The following GALNT9 variants were observed in gnomAD, a reference collection of about 807,000 sequenced individuals.
The protein encoded by GALNT9 is GalNAc transferase 9.
A neutral mutation model predicts 63.1 loss-of-function variants in GALNT9; 47 were observed. The observed-to-expected ratio is 0.75, with a 90% confidence interval of 0.59 to 0.95. GALNT9 has a LOEUF of 0.95. GALNT9 is among the 40% of genes least tolerant of loss of function. GALNT9 has a pLI of 0.00. For synonymous variants in GALNT9, 396 were observed against 365.7 expected (o/e 1.08, Z -0.94); for missense variants, 829 against 874.8 (o/e 0.95, Z 0.66).
rs1307637571 is a variant in GALNT9 at position 132,315,524 on chromosome 12, C to T, written c.238+13442G>A. Among the ~76,000 whole-genome samples, 3 of 152,170 alleles carry T rather than the reference C, an allele frequency of 2.0e-5. No homozygotes were observed. Among genetic ancestry groups the T allele is most frequent in the African/African-American group, 2.4e-5 (1 of 41,434 alleles). On this transcript the variant is annotated intron_variant, in intron 1 of 10. Coordinates refer to ENST00000328957, the MANE Select transcript of GALNT9 (RefSeq NM_001122636.2). The surrounding 1 kb of genome is among the most constrained non-coding windows in gnomAD (Gnocchi z 6.1). ...AATCAGGGCTTGCTGGGTTTCACGCCGGAGCTGCACGCAGAGCTGATGCGA... is the reference window on the plus strand; with the variant it reads ...AATCAGGGCTTGCTGGGTTTCACGCTGGAGCTGCACGCAGAGCTGATGCGA...
intron 2 of GALNT9, among the ~76,000 whole-genome samples, chr12:132,267,160 G>C (rs1217171298): frequency 2.0e-5 from 3 of 152,070 alleles, no homozygotes; most frequent in African/African-American, 4.8e-5. Context: ...TGAGCCCAGA[G>C]CTTGAGCAGC....
In GALNT9 at chr12:132,228,138, G is replaced by C. The variant is rs935549006; in HGVS notation, c.1077+19772C>G. Among the ~76,000 whole-genome samples the C allele has an allele frequency of 4.6e-5, 7 of 152,078 alleles. 2 individuals are homozygous for C. In the South Asian group the frequency reaches 8.3e-4, roughly 18 times the overall value. ...CCACCTGTGGCTGGAACAAGCCCTT[G>C]GACAAAGCAGCTCTAGAGAACAAGA... On this transcript the variant is annotated intron_variant, in intron 6 of 10. Transcript: ENST00000328957.
chr12:132,197,342 C>A, intron 10 of GALNT9, 89 bp from the exon 11 acceptor site: 1 of 1,543,132 alleles, frequency 6.5e-7, no homozygotes, highest in African/African-American at 1.4e-5. Flanking sequence ...GTGCTCTCAG[C>A]CCTCGTGCTC....
chr12:132,268,275 G>A (rs954863478), intron 2 of GALNT9, among the ~76,000 whole-genome samples: 2 of 151,074 alleles, frequency 1.3e-5, no homozygotes, highest in Non-Finnish European at 3.0e-5. Flanking sequence ...CCCTACACAC[G>A]CACGCACACA....
At chr12:132,254,025 CTT>C (rs1348088057) in intron 5 of GALNT9, among the ~76,000 whole-genome samples, 4 of 93,604 alleles carry the variant, frequency 4.3e-5, no homozygotes, top group Non-Finnish European at 4.6e-5. Flanking sequence ...ACTGTTTTTT[CTT>C]TTTTTTTTTT....
At chr12:132,243,561 C>G (rs2136905676) in intron 6 of GALNT9, among the ~76,000 whole-genome samples, 3 of 152,198 alleles carry the variant, frequency 2.0e-5, no homozygotes, top group South Asian at 2.1e-4. Flanking sequence ...GACACCACGT[C>G]TCTTCGTCTG....
intron 4 of GALNT9, among the ~76,000 whole-genome samples, chr12:132,260,432 A>G (rs1879331888): frequency 6.6e-6 from 1 of 151,964 alleles, no homozygotes; most frequent in East Asian, 1.9e-4. Flanking sequence ...ACACAAGGTG[A>G]CCCCCTCAGC....
At chr12:132,248,809 GTATGCTAGTTA>G (rs2135535423) in intron 5 of GALNT9, among the ~76,000 whole-genome samples, 1 of 152,346 alleles carries the variant, frequency 6.6e-6, no homozygotes, top group South Asian at 2.1e-4. Flanking sequence ...TCATGCATTG[GTATGCTAGTTA>G]TATTTTTTCT....
rs1042814033 is a variant in GALNT9 at position 132,245,302 on chromosome 12, C to T, written c.1077+2608G>A. 2.0e-5 allele frequency among the ~76,000 whole-genome samples: 3 copies of T among 152,086 alleles called. No individual in the cohort carries two copies. Among genetic ancestry groups the T allele is most frequent in the Non-Finnish European group, 4.4e-5 (3 of 68,008 alleles). On this transcript the variant is annotated intron_variant, in intron 6 of 10. Coordinates refer to ENST00000328957, the MANE Select transcript of GALNT9 (RefSeq NM_001122636.2). This position sits in a 1 kb window ranked among gnomAD's most constrained non-coding sequence, Gnocchi z 6.3. Reference sequence around the variant, plus strand: ...ACTAAAAGTACAAAAATTAGCCGGGCATGGTGGCATGTGCCTGTGGTGCCA... The same window carrying T: ...ACTAAAAGTACAAAAATTAGCCGGGTATGGTGGCATGTGCCTGTGGTGCCA...
chr12:132,250,192 G>T (rs181107281), intron 5 of GALNT9, among the ~76,000 whole-genome samples: 8 of 152,196 alleles, frequency 5.3e-5, no homozygotes, highest in African/African-American at 1.9e-4. Flanking sequence ...AGGTGCAAGA[G>T]GTTGCCCCCC....
At chr12:132,237,307 TTCACAGCTGC>T (rs1387697175) in intron 6 of GALNT9, among the ~76,000 whole-genome samples, 5 of 151,746 alleles carry the variant, frequency 3.3e-5, no homozygotes, top group Admixed American at 6.6e-5. Context: ...TCCACACCAG[TTCACAGCTGC>T]TCACACCTGC....
chr12:132,301,588 C>T (rs1032322253), intron 1 of GALNT9, among the ~76,000 whole-genome samples: 1 of 152,266 alleles, frequency 6.6e-6, no homozygotes, highest in East Asian at 1.9e-4. Context: ...ACCGCCGGCA[C>T]AGCAGGAGGA....
At chr12:132,201,097 G>A (rs141034891) in intron 8 of GALNT9, 27 bp downstream of exon 8, 158 of 1,607,660 alleles carry the variant, frequency 9.8e-5, no homozygotes, top group African/African-American at 9.3e-4. Flanking sequence ...CTGTCGGGCC[G>A]AACGGGGCCC....
At chr12:132,230,390 G>T (rs1430240964) in intron 6 of GALNT9, among the ~76,000 whole-genome samples, 1 of 152,242 alleles carries the variant, frequency 6.6e-6, no homozygotes. Flanking sequence ...GGCAAAAGGA[G>T]CTGGGGTACA....
chr12:132,220,947 C>G (rs951837967), intron 6 of GALNT9, among the ~76,000 whole-genome samples: 11 of 149,316 alleles, frequency 7.4e-5, no homozygotes, highest in Admixed American at 2.0e-4. Flanking sequence ...ATCCCAGGTA[C>G]TCGGGAGGCT....
chr12:132,227,433 G>A (rs1376618590), intron 6 of GALNT9, among the ~76,000 whole-genome samples: 3 of 152,304 alleles, frequency 2.0e-5, no homozygotes, highest in Admixed American at 6.5e-5. Flanking sequence ...ACCTCAGGCC[G>A]CGTTACACCC....
intron 2 of GALNT9, among the ~76,000 whole-genome samples, chr12:132,269,762 C>G (rs1284912106): frequency 1.3e-5 from 2 of 152,244 alleles, no homozygotes; most frequent in African/African-American, 4.8e-5. Flanking sequence ...GGTGGGGTGG[C>G]ACGTGGCGCC....
chr12:132,219,013 C>T (rs977188057), intron 6 of GALNT9, among the ~76,000 whole-genome samples: 16 of 152,180 alleles, frequency 1.1e-4, no homozygotes, highest in Middle Eastern at 3.4e-3. Context: ...CGGGGAGGGG[C>T]GCCCCGCATT....
At chr12:132,255,934 G>C (rs1339633257) in intron 5 of GALNT9, among the ~76,000 whole-genome samples, 1 of 151,794 alleles carries the variant, frequency 6.6e-6, no homozygotes, top group Non-Finnish European at 1.5e-5. Context: ...GCTGTCTGCT[G>C]TTTCTGTCCC....
Sources: gnomAD v4.1 joint callset for allele counts (sites outside exome capture counted in the v4.1 genomes callset) on GRCh38, gnomAD v4.1.1 for gene constraint, Gnocchi (gnomAD v3.1) non-coding constraint, MANE v1.5 for transcripts, NCBI Gene and HGNC (gene_info 2026-07-23, HGNC 2026-07-21) for gene names.